MGMT: variants seen among roughly 807,000 people sequenced by gnomAD.
The protein encoded by MGMT is methylated-DNA--protein-cysteine methyltransferase.
MGMT carries 14 observed loss-of-function variants against 15.9 expected under a neutral mutation model. The observed-to-expected ratio is 0.88, with a 90% confidence interval of 0.58 to 1.37. The LOEUF is 1.37. Among genes scored for constraint, MGMT ranks in the 40% most tolerant of loss-of-function variants. MGMT has a pLI of 0.00. For synonymous variants in MGMT, 130 were observed against 118.2 expected, an observed-to-expected ratio of 1.10 and a Z score of -0.65; for missense variants, 282 against 268.1, an observed-to-expected ratio of 1.05 and a Z score of -0.36.
At chr10:129,722,550 G>A (rs1253891677) in intron 3 of MGMT, among the ~76,000 whole-genome samples, 5 of 152,212 alleles carry the variant, frequency 3.3e-5, no homozygotes, top group African/African-American at 4.8e-5. Flanking sequence ...GAATGAATTT[G>A]TAGGACTTAC....
At chr10:129,733,061 G>A (rs1234005905) in intron 3 of MGMT, among the ~76,000 whole-genome samples, 3 of 150,730 alleles carry the variant, frequency 2.0e-5, no homozygotes, top group African/African-American at 4.9e-5. Context: ...ATAGTCCTTT[G>A]GGTATATACC....
intron 3 of MGMT, among the ~76,000 whole-genome samples, chr10:129,709,982 T>C (rs1439788000): frequency 6.6e-6 from 1 of 152,160 alleles, no homozygotes; most frequent in Non-Finnish European, 1.5e-5. Context: ...CTGAGCCTTT[T>C]CCCCCTCACT....
At chr10:129,613,973 T>C (rs1332078379) in intron 2 of MGMT, among the ~76,000 whole-genome samples, 1 of 152,156 alleles carries the variant, frequency 6.6e-6, no homozygotes, top group Non-Finnish European at 1.5e-5. Context: ...TTTCCCACCT[T>C]CACCATTTTT....
At chr10:129,713,061 C>T (rs943275862) in intron 3 of MGMT, among the ~76,000 whole-genome samples, 4 of 152,296 alleles carry the variant, frequency 2.6e-5, no homozygotes, top group Non-Finnish European at 4.4e-5. Flanking sequence ...CACGGCAGCA[C>T]GCAGGCTTTG....
intron 2 of MGMT, among the ~76,000 whole-genome samples, chr10:129,652,307 A>G (rs1847469028): frequency 6.6e-6 from 1 of 152,132 alleles, no homozygotes; most frequent in Non-Finnish European, 1.5e-5. Flanking sequence ...CCGAGCGGAG[A>G]CGCTGGAGTT....
chr10:129,638,522 A>T (rs1224288969), intron 2 of MGMT, among the ~76,000 whole-genome samples: 1 of 151,934 alleles, frequency 6.6e-6, no homozygotes, highest in African/African-American at 2.4e-5. Context: ...AAAATCTAAA[A>T]CATTAGCAAG....
chr10:129,707,716 G>A (rs1017485176), intron 2 of MGMT, among the ~76,000 whole-genome samples, 179 bp from the exon 3 acceptor site: 6 of 152,270 alleles, frequency 3.9e-5, no homozygotes, highest in East Asian at 3.9e-4. Flanking sequence ...GAGTGGTTGC[G>A]GGGCCTCGGT....
chr10:129,637,630 A>G (rs1157389787), intron 2 of MGMT, among the ~76,000 whole-genome samples: 1 of 152,176 alleles, frequency 6.6e-6, no homozygotes, highest in Admixed American at 6.5e-5. Context: ...AGTACGTCGG[A>G]GCGTGACTGT....
chr10:129,593,776 T>C (rs1846717911), intron 2 of MGMT, among the ~76,000 whole-genome samples: 1 of 152,138 alleles, frequency 6.6e-6, no homozygotes, highest in Non-Finnish European at 1.5e-5. Context: ...AGGTTGAGTA[T>C]TGACACCTTT....
chr10:129,713,063 C>T (rs746532381), intron 3 of MGMT, among the ~76,000 whole-genome samples: 3 of 152,194 alleles, frequency 2.0e-5, no homozygotes, highest in Non-Finnish European at 4.4e-5. Context: ...CGGCAGCACG[C>T]AGGCTTTGTC....
chr10:129,468,134 C>T (rs1845191045), intron 1 of MGMT, among the ~76,000 whole-genome samples: 1 of 152,118 alleles, frequency 6.6e-6, no homozygotes, highest in Admixed American at 6.5e-5. Context: ...ACATAGACAT[C>T]CAAATAGAAA....
intron 2 of MGMT, chr10:129,700,111 A>G (rs1390140720): frequency 1.3e-5 from 2 of 152,170 alleles, no homozygotes; most frequent in African/African-American, 2.4e-5. Flanking sequence ...CGCATGAATC[A>G]CTGAGAACAG....
chr10:129,703,601 C>G (rs576157820), intron 2 of MGMT, among the ~76,000 whole-genome samples: 3 of 152,286 alleles, frequency 2.0e-5, no homozygotes, highest in African/African-American at 7.2e-5. Flanking sequence ...ATCCCACATC[C>G]CAGTCTTACC....
At chr10:129,656,241 C>T (rs1847523639) in intron 2 of MGMT, among the ~76,000 whole-genome samples, 3 of 152,312 alleles carry the variant, frequency 2.0e-5, no homozygotes, top group Non-Finnish European at 4.4e-5. Flanking sequence ...CGGGAGGTGA[C>T]AAACATCCAT....
intron 2 of MGMT, among the ~76,000 whole-genome samples, chr10:129,686,880 G>T (rs904929076): frequency 6.6e-6 from 1 of 152,170 alleles, no homozygotes; most frequent in South Asian, 2.1e-4. Flanking sequence ...AGCATCTTCT[G>T]TCAGCTGATC....
In MGMT at chr10:129,532,910, GGC is replaced by G. The variant is rs1845948101; in HGVS notation, c.-12-3328_-12-3327del. Among the ~76,000 whole-genome samples the G allele has an allele frequency of 6.6e-6, 1 of 152,214 alleles. No homozygotes were observed. Among genetic ancestry groups the G allele is most frequent in the African/African-American group, 2.4e-5 (1 of 41,458 alleles). On this transcript the variant is annotated intron_variant, in intron 1 of 4. Coordinates refer to ENST00000651593, the MANE Select transcript of MGMT (RefSeq NM_002412.5). This position sits in a 1 kb window ranked among gnomAD's most constrained non-coding sequence, Gnocchi z 5.3. ...TCCGAATGTCTGCAGTGCAGCTTCAGGCGCTGATGTGGGCAAACCCTTCCTCT... is the reference window on the plus strand; with the variant it reads ...TCCGAATGTCTGCAGTGCAGCTTCAGGCTGATGTGGGCAAACCCTTCCTCT...
At chr10:129,633,467 A>G (rs1044038024) in intron 2 of MGMT, among the ~76,000 whole-genome samples, 4 of 152,206 alleles carry the variant, frequency 2.6e-5, no homozygotes, top group African/African-American at 9.6e-5. Flanking sequence ...AATGATGATA[A>G]TGGCTGTTTT....
intron 2 of MGMT, among the ~76,000 whole-genome samples, chr10:129,669,547 C>T (rs74783222): frequency 0.078 from 11,890 of 152,120 alleles, 682 homozygotes; most frequent in Admixed American, 0.17. Context: ...AAATTCTTCT[C>T]GACATTTTTC....
chr10:129,513,680 A>G (rs1486320800), intron 1 of MGMT, among the ~76,000 whole-genome samples: 2 of 152,190 alleles, frequency 1.3e-5, no homozygotes, highest in Non-Finnish European at 2.9e-5. Context: ...AAACAAGGAG[A>G]ACTAGAATGT....
Sources: gnomAD v4.1 joint callset for allele counts (sites outside exome capture counted in the v4.1 genomes callset) on GRCh38, gnomAD v4.1.1 for gene constraint, Gnocchi (gnomAD v3.1) non-coding constraint, MANE v1.5 for transcripts, NCBI Gene and HGNC (gene_info 2026-07-23, HGNC 2026-07-21) for gene names.